Variants in SFT2D2 observed in about 807,000 individuals in gnomAD.
SFT2D2 encodes vesicle transport protein SFT2B.
Under a neutral mutation model 27.4 loss-of-function variants are expected in SFT2D2, and 21 were observed. The ratio of observed to expected loss-of-function variants is 0.77; its 90% CI spans 0.54 to 1.10. The LOEUF (loss-of-function observed/expected upper bound fraction) is 1.10. Ranked by LOEUF, SFT2D2 falls within the 50% of genes least tolerant of loss-of-function variation. The probability of loss-of-function intolerance (pLI) is 0.00; values close to 1 mark genes in which losing one functional copy is unlikely to be tolerated. For missense variants in SFT2D2, 187 were observed against 194.2 expected (o/e 0.96, Z 0.22); for synonymous variants, 72 against 71.7 (o/e 1.00, Z -0.02).
At chr1:168,231,448 A>T in intron 1 of SFT2D2, 66 bp from the exon 2 acceptor site, 2 of 1,324,900 alleles carry the variant, frequency 1.5e-6, no homozygotes, top group Non-Finnish European at 2.2e-6. Context: ...TTCTAGATTT[A>T]GTTATGTGCT....
chr1:168,237,642 G>A (rs1647538054), intron 6 of SFT2D2, among the ~76,000 whole-genome samples: 1 of 152,198 alleles, frequency 6.6e-6, no homozygotes, highest in Non-Finnish European at 1.5e-5. Context: ...TTAAAGTTCT[G>A]AAGAATTGGT....
intron 7 of SFT2D2, among the ~76,000 whole-genome samples, chr1:168,239,537 T>C (rs1647591123): frequency 6.6e-6 from 1 of 151,662 alleles, no homozygotes; most frequent in African/African-American, 2.4e-5. Flanking sequence ...CAATTCGTGC[T>C]TCTTGCAGTA....
At chr1:168,229,259 G>A (rs1421436612) in intron 1 of SFT2D2, among the ~76,000 whole-genome samples, 10 of 152,110 alleles carry the variant, frequency 6.6e-5, no homozygotes. Context: ...TCGCTCTGTC[G>A]CCCAGGCTGG....
At chr1:168,236,911 G>T in intron 6 of SFT2D2, 141 bp downstream of exon 6, 2 of 1,084,858 alleles carry the variant, frequency 1.8e-6, no homozygotes, top group Non-Finnish European at 2.7e-6. Context: ...TGATGAAAGT[G>T]AAGTCAGGCT....
At position 168,251,538 on chromosome 1, in the gene SFT2D2, A is replaced by G. The variant is rs1354299684; in HGVS notation, c.*8998A>G. On this transcript the variant is annotated 3_prime_UTR_variant, in exon 8 of 8. Coordinates refer to ENST00000271375, the MANE Select transcript of SFT2D2 (RefSeq NM_199344.3). ...TATGGGACTGTCTACGCCAGGCTTT[A>G]TTTTCTCTTTGCTCAGATAACTTCT... The G allele has an allele frequency of 6.6e-6, 1 of 152,036 alleles. No individual in the cohort carries two copies. The highest frequency in any genetic ancestry group is 1.9e-4 in the East Asian group (1 of 5,184). The allele number at this position is 152,036 out of a possible 1,614,324, so 9.4% of individuals were successfully genotyped here.
In SFT2D2 at chr1:168,243,878, G is replaced by C. The variant is rs1647720138; in HGVS notation, c.*1338G>C. ...CATCTCTTTTGGAAGCTTCTTCCTGGATCTGCAGGATGTTCACTGTCCCTT... is the reference window on the plus strand; with the variant it reads ...CATCTCTTTTGGAAGCTTCTTCCTGCATCTGCAGGATGTTCACTGTCCCTT... On this transcript the variant is annotated 3_prime_UTR_variant, in exon 8 of 8. Coordinates refer to ENST00000271375, the MANE Select transcript of SFT2D2 (RefSeq NM_199344.3). The C allele has an allele frequency of 6.6e-6, 1 of 152,578 alleles. No individual in the cohort carries two copies. The highest frequency in any genetic ancestry group is 2.4e-5 in the African/African-American group (1 of 41,400). 9.5% of individuals were successfully genotyped at this position (152,578 alleles called of 1,614,324 possible).
rs1232711125 is a variant in SFT2D2, at chr1:168,248,189, C to G, written c.*5649C>G. The G allele has an allele frequency of 1.3e-5, 2 of 152,122 alleles. No individual in the cohort carries two copies. The highest frequency in any genetic ancestry group is 4.1e-4 in the South Asian group (2 of 4,830). 9.4% of individuals were successfully genotyped at this position (152,122 alleles called of 1,614,324 possible). On this transcript the variant is annotated 3_prime_UTR_variant, in exon 8 of 8. Coordinates refer to ENST00000271375, the MANE Select transcript of SFT2D2 (RefSeq NM_199344.3). ...TTGGTTTAATTAGATCTCATTTTGT[C>G]TATTTTGGCTTTTGTTGCCATTGCT... is the stretch of plus-strand genomic sequence containing the variant.
chr1:168,240,773 G>T (rs368232672), intron 7 of SFT2D2, among the ~76,000 whole-genome samples: 5 of 152,036 alleles, frequency 3.3e-5, no homozygotes, highest in Non-Finnish European at 7.4e-5. Flanking sequence ...TTAACCGAGC[G>T]TGGTGGCGTG....
At chr1:168,238,876 C>T (rs1055109306) in intron 6 of SFT2D2, among the ~76,000 whole-genome samples, 7 of 152,148 alleles carry the variant, frequency 4.6e-5, no homozygotes, top group Non-Finnish European at 1.0e-4. Context: ...CGAGGTCATA[C>T]GGGTTATCTC....
At position 168,250,838 on chromosome 1, in the gene SFT2D2, A is replaced by T. The variant is rs886755587; in HGVS notation, c.*8298A>T. On this transcript the variant is annotated 3_prime_UTR_variant, in exon 8 of 8. Transcript: ENST00000271375. ...AAGATGTCTTGTCTGGGAAGGGCAA[A>T]ACATGGTCCCCAGTGTAGCATTTTC... The T allele has an allele frequency of 6.6e-6, 1 of 152,052 alleles. No individual in the cohort carries two copies. The highest frequency in any genetic ancestry group is 2.4e-5 in the African/African-American group (1 of 41,358). The allele number at this position is 152,052 out of a possible 1,614,324, so 9.4% of individuals were successfully genotyped here.
Position 168,247,160 on chromosome 1 carries a change from G to T in SFT2D2, c.*4620G>T. 3 of 273,542 alleles carry T rather than the reference G, an allele frequency of 1.1e-5. No homozygotes were observed. The highest frequency in any genetic ancestry group is 3.8e-5 in the South Asian group (1 of 26,518). 16.9% of individuals were successfully genotyped at this position (273,542 alleles called of 1,614,324 possible). ...TAAGTCACTCAGTGATTATCTTTAA[G>T]TTCCACTGATCTTTTACATAAATAA... On this transcript the variant is annotated 3_prime_UTR_variant, in exon 8 of 8. Coordinates refer to ENST00000271375, the MANE Select transcript of SFT2D2 (RefSeq NM_199344.3).
chr1:168,228,524 C>T (rs1224173145), intron 1 of SFT2D2, among the ~76,000 whole-genome samples: 2 of 152,186 alleles, frequency 1.3e-5, no homozygotes, highest in Non-Finnish European at 2.9e-5. Flanking sequence ...ACCTCATCTT[C>T]ATAAATACAC....
At position 168,246,573 on chromosome 1, in the gene SFT2D2, A is replaced by G. The variant is rs1378161761; in HGVS notation, c.*4033A>G. The G allele has an allele frequency of 2.6e-6, 4 of 1,512,466 alleles. No homozygotes were observed. Among genetic ancestry groups the G allele is most frequent in the Non-Finnish European group, 2.7e-6 (3 of 1,104,888 alleles). 93.7% of individuals were successfully genotyped at this position (1,512,466 alleles called of 1,614,324 possible). ...AAAGTTGCTGAGAAAGAATCAGAAC[A>G]TGAGAATTCAAATTTTCCTGTAAAT... On this transcript the variant is annotated 3_prime_UTR_variant, in exon 8 of 8. Coordinates refer to ENST00000271375, the MANE Select transcript of SFT2D2 (RefSeq NM_199344.3).
intron 7 of SFT2D2, 51 bp downstream of exon 7, chr1:168,239,211 C>G: frequency 7.1e-7 from 1 of 1,403,566 alleles, no homozygotes; most frequent in Non-Finnish European, 1.0e-6. Flanking sequence ...AATTCAGAGT[C>G]TGCTTTCAGA....
At position 168,246,457 on chromosome 1, in the gene SFT2D2, A is replaced by G; in HGVS notation, c.*3917A>G. On this transcript the variant is annotated 3_prime_UTR_variant, in exon 8 of 8. Coordinates refer to ENST00000271375, the MANE Select transcript of SFT2D2 (RefSeq NM_199344.3). The stretch of plus-strand genomic sequence containing the variant: ...CACCGTTTGGTTTAGCTCTCTTTGT[A>G]TGTGTTCAAAAACCAAAGCGTTTTC... The G allele has an allele frequency of 7.9e-7, 1 of 1,266,534 alleles. No homozygotes were observed. The highest frequency in any genetic ancestry group is 1.1e-6 in the Non-Finnish European group (1 of 930,182). 78.5% of individuals were successfully genotyped at this position (1,266,534 alleles called of 1,614,324 possible).
chr1:168,241,404 G>T (rs1374665833), intron 7 of SFT2D2, among the ~76,000 whole-genome samples: 1 of 151,678 alleles, frequency 6.6e-6, no homozygotes, highest in Non-Finnish European at 1.5e-5. Flanking sequence ...TGTTGGCCAG[G>T]CTGGTCTCGA....
intron 1 of SFT2D2, among the ~76,000 whole-genome samples, chr1:168,227,960 C>G (rs1012431219): frequency 7.9e-5 from 12 of 152,168 alleles, no homozygotes; most frequent in African/African-American, 2.9e-4. Context: ...AAATGGTGAA[C>G]GTCTGTGTTG....
intron 6 of SFT2D2, among the ~76,000 whole-genome samples, chr1:168,238,775 A>C (rs1282550457): frequency 6.6e-6 from 1 of 152,180 alleles, no homozygotes; most frequent in African/African-American, 2.4e-5. Context: ...ATTTTTTCAG[A>C]ATAGAGTTTC....
At chr1:168,240,642 C>T (rs1473756981) in intron 7 of SFT2D2, among the ~76,000 whole-genome samples, 2 of 152,032 alleles carry the variant, frequency 1.3e-5, no homozygotes, top group East Asian at 1.9e-4. Context: ...AGGCCGGGCA[C>T]GGTAGCTCAG....
Sources: allele counts gnomAD v4.1 joint callset (sites outside exome capture counted in the v4.1 genomes callset), GRCh38; gene constraint gnomAD v4.1.1; transcripts MANE v1.5; gene names NCBI Gene and HGNC (gene_info 2026-07-23, HGNC 2026-07-21).